KCNAB1: variants seen among roughly 807,000 people sequenced by gnomAD.
KCNAB1 encodes potassium voltage-gated channel subfamily A regulatory beta subunit 1.
In KCNAB1, 35 loss-of-function variants were observed where a neutral mutation model predicts 64.6. The observed-to-expected ratio is 0.54, with a 90% CI of 0.41 to 0.72. KCNAB1 has a LOEUF of 0.72. Among genes scored for constraint, KCNAB1 ranks in the 30% least tolerant of loss-of-function variants. The pLI is 0.00. For missense variants in KCNAB1, 401 were observed against 512.9 expected (o/e 0.78, Z 2.11); for synonymous variants, 177 against 183.8 (o/e 0.96, Z 0.30).
chr3:156,184,206 T>A (rs1713046130), intron 1 of KCNAB1, among the ~76,000 whole-genome samples: 1 of 152,182 alleles, frequency 6.6e-6, no homozygotes, highest in African/African-American at 2.4e-5. Context: ...TAAATTAGAA[T>A]TGGGTGAAAG....
intron 8 of KCNAB1, among the ~76,000 whole-genome samples, chr3:156,509,908 T>C (rs753039701): frequency 2.0e-4 from 30 of 152,344 alleles, no homozygotes; most frequent in South Asian, 4.1e-4. Flanking sequence ...TCTAGTGTTC[T>C]TAATTATTCA....
At chr3:156,204,973 A>G (rs1714564475) in intron 1 of KCNAB1, among the ~76,000 whole-genome samples, 1 of 152,272 alleles carries the variant, frequency 6.6e-6, no homozygotes, top group Admixed American at 6.5e-5. Context: ...CAAACACAAG[A>G]GAAAACATTT....
chr3:156,464,079 A>G (rs1576900167), intron 6 of KCNAB1, among the ~76,000 whole-genome samples: 1 of 152,330 alleles, frequency 6.6e-6, no homozygotes, highest in African/African-American at 2.4e-5. Flanking sequence ...GCATCACAGA[A>G]GAAAAGTCAC....
intron 1 of KCNAB1, among the ~76,000 whole-genome samples, chr3:156,139,755 T>A (rs895018415): frequency 7.9e-5 from 12 of 152,086 alleles, no homozygotes; most frequent in Non-Finnish European, 1.3e-4. Flanking sequence ...GCAAGGAAAT[T>A]GTTAATCTCT....
At chr3:156,160,657 T>C (rs995248990) in intron 1 of KCNAB1, among the ~76,000 whole-genome samples, 1 of 152,154 alleles carries the variant, frequency 6.6e-6, no homozygotes, top group African/African-American at 2.4e-5. Context: ...CATAGGAAAC[T>C]GATAGGAAGT....
intron 1 of KCNAB1, among the ~76,000 whole-genome samples, chr3:156,303,087 C>T (rs1030821554): frequency 2.6e-5 from 4 of 152,154 alleles, no homozygotes; most frequent in Non-Finnish European, 5.9e-5. Flanking sequence ...TATTATGACA[C>T]ACATTTTCAA....
intron 1 of KCNAB1, among the ~76,000 whole-genome samples, chr3:156,251,736 G>T (rs1167574178): frequency 6.6e-6 from 1 of 152,256 alleles, no homozygotes; most frequent in South Asian, 2.1e-4. Context: ...AAAATACAAA[G>T]GTACAGCCAA....
At chr3:156,235,542 G>T (rs1297992458) in intron 1 of KCNAB1, among the ~76,000 whole-genome samples, 1 of 152,186 alleles carries the variant, frequency 6.6e-6, no homozygotes, top group East Asian at 1.9e-4. Flanking sequence ...GAGGTTGGTG[G>T]CCCACGTGGC....
intron 1 of KCNAB1, among the ~76,000 whole-genome samples, chr3:156,342,018 A>G (rs1372897653): frequency 6.6e-6 from 1 of 152,182 alleles, no homozygotes; most frequent in Non-Finnish European, 1.5e-5. Context: ...ACTCCCTGGC[A>G]GCTTCTCCTA....
rs574805742 is a variant in KCNAB1 at position 156,344,223 on chromosome 3, A to G, written c.276-77393A>G. On this transcript the variant is annotated intron_variant, in intron 1 of 13. Transcript: ENST00000490337. The stretch of plus-strand genomic sequence containing the variant: ...ATCTATTAGGATTATAAAGGACAGG[A>G]TCATCTCCCTCAACAAAATCAAACA... 6.2e-4 allele frequency among the ~76,000 whole-genome samples: 94 copies of G among 152,346 alleles called. 1 individual carries two copies. Among genetic ancestry groups the G allele is most frequent in the South Asian group, 2.1e-3 (10 of 4,826 alleles).
At chr3:156,271,551 A>C (rs954225700) in intron 1 of KCNAB1, among the ~76,000 whole-genome samples, 3 of 152,012 alleles carry the variant, frequency 2.0e-5, no homozygotes, top group Non-Finnish European at 4.4e-5. Flanking sequence ...AATTATTTCA[A>C]TTTCTTTGTT....
intron 8 of KCNAB1, among the ~76,000 whole-genome samples, chr3:156,502,622 A>G (rs183829845): frequency 6.6e-6 from 1 of 152,068 alleles, no homozygotes; most frequent in Non-Finnish European, 1.5e-5. Flanking sequence ...AAACTTTACA[A>G]ATTTTAGAAG....
At chr3:156,520,207 G>A (rs1278299218) in intron 11 of KCNAB1, among the ~76,000 whole-genome samples, 1 of 152,204 alleles carries the variant, frequency 6.6e-6, no homozygotes, top group Admixed American at 6.5e-5. Context: ...AAGAGACCAG[G>A]TGTATAGCTT....
chr3:156,286,664 T>C (rs2108511788), intron 1 of KCNAB1, among the ~76,000 whole-genome samples: 1 of 152,376 alleles, frequency 6.6e-6, no homozygotes, highest in Admixed American at 6.5e-5. Flanking sequence ...CTCAAAAGCA[T>C]AGGTGATTTA....
chr3:156,431,336 A>T (rs1473329493), intron 2 of KCNAB1, among the ~76,000 whole-genome samples: 1 of 152,244 alleles, frequency 6.6e-6, no homozygotes, highest in African/African-American at 2.4e-5. Context: ...TAAAAACCCA[A>T]ATGAAATTTT....
intron 13 of KCNAB1, among the ~76,000 whole-genome samples, chr3:156,535,136 C>T (rs2108432582): frequency 6.6e-6 from 1 of 152,294 alleles, no homozygotes; most frequent in South Asian, 2.1e-4. Context: ...AAACCAAATT[C>T]TTCCTTCAGC....
chr3:156,476,522 TACACACAC>T (rs10542832), intron 8 of KCNAB1, among the ~76,000 whole-genome samples: 13 of 147,462 alleles, frequency 8.8e-5, no homozygotes, highest in Admixed American at 4.1e-4. Context: ...TATATATATA[TACACACAC>T]ACACACACAC....
chr3:156,182,695 A>ATTG, intron 1 of KCNAB1, among the ~76,000 whole-genome samples: 1 of 132,708 alleles, frequency 7.5e-6, no homozygotes, highest in East Asian at 2.2e-4. Context: ...AAGTAAGACA[A>ATTG]TTTTTTTTTT....
rs201866958 is a variant in KCNAB1, at chr3:156,188,421, T to TA, written c.275+67542dup. Reference sequence around the variant, plus strand: ...TATATTGTTCTATAGCCTGCTTTGTTAAAAAAAGCCATGGTAAATATTCTT... The same window carrying TA: ...TATATTGTTCTATAGCCTGCTTTGTTAAAAAAAAGCCATGGTAAATATTCTT... On this transcript the variant is annotated intron_variant, in intron 1 of 13. Coordinates refer to ENST00000490337, the MANE Select transcript of KCNAB1 (RefSeq NM_172160.3). Among the ~76,000 whole-genome samples the TA allele has an allele frequency of 9.9e-3, 1,506 of 152,174 alleles. 13 individuals are homozygous for TA. The highest frequency in any genetic ancestry group is 0.017 in the Non-Finnish European group (1,164 of 67,982).
Sources: gnomAD v4.1 joint callset for allele counts (sites outside exome capture counted in the v4.1 genomes callset) on GRCh38, gnomAD v4.1.1 for gene constraint, MANE v1.5 for transcripts, NCBI Gene and HGNC (gene_info 2026-07-23, HGNC 2026-07-21) for gene names.